CYP2C8: variants seen among roughly 807,000 people sequenced by gnomAD.
CYP2C8 encodes the protein cytochrome P450 family 2 subfamily C member 8, also known as cytochrome P450 2C8.
In CYP2C8, 51 loss-of-function variants were observed where a neutral mutation model predicts 41.3. That is an observed-to-expected ratio of 1.24 (90% CI 0.99 to 1.56). The LOEUF is 1.56. CYP2C8 is among the 40% of genes most tolerant of loss of function. The probability of loss-of-function intolerance (pLI) is 0.00; values close to 1 mark genes in which losing one functional copy is unlikely to be tolerated. For missense variants in CYP2C8, 651 were observed against 579.9 expected, an observed-to-expected ratio of 1.12 and a Z score of -1.26; for synonymous variants, 218 against 205.8, an observed-to-expected ratio of 1.06 and a Z score of -0.51.
chr10:95,069,134 T>C (rs2033627956), intron 1 of CYP2C8, 101 bp downstream of exon 1: 3 of 1,311,094 alleles, frequency 2.3e-6, no homozygotes, highest in Admixed American at 1.7e-5. Context: ...TTTACAATGA[T>C]CTATTATAAT....
chr10:95,049,517 A>C (rs2033175467), intron 5 of CYP2C8, among the ~76,000 whole-genome samples: 1 of 152,168 alleles, frequency 6.6e-6, no homozygotes, highest in Non-Finnish European at 1.5e-5. Context: ...AAACAGGCCC[A>C]AAATCAGCTG....
chr10:95,045,037 G>A (rs1184311678), intron 6 of CYP2C8, among the ~76,000 whole-genome samples: 1 of 152,082 alleles, frequency 6.6e-6, no homozygotes, highest in East Asian at 1.9e-4. Flanking sequence ...ATTTTAATTT[G>A]TAATTTAGTT....
In CYP2C8 at chr10:95,037,200, G is replaced by T. The variant is rs747936556; in HGVS notation, c.1401C>A (p.Leu467=). The T allele has an allele frequency of 6.8e-6, 11 of 1,613,938 alleles. No individual in the cohort carries two copies. In the Admixed American group the frequency reaches 1.8e-4, roughly 27 times the overall value. ...TCCCTTTGGTAACTGCAGTAGTATT[G>T]AGGTTCTTTAAATCATCAACAGATT... ...NLKSVDDLKN[L]NTTAVTKGIV... is the part of the protein sequence containing the mutation. Residue 467 remains leucine (L), a synonymous_variant, in exon 9 of 9, where the codon CTC becomes CTA. Transcript: ENST00000371270.
intron 8 of CYP2C8, among the ~76,000 whole-genome samples, 180 bp downstream of exon 8, chr10:95,038,717 A>G (rs7083576): frequency 0.029 from 4,386 of 152,272 alleles, 234 homozygotes; most frequent in African/African-American, 0.098. Context: ...AAGCCCCGCT[A>G]TCTGGCCCAA....
In CYP2C8 at chr10:95,037,047, A is replaced by G. The variant is rs2032895057; in HGVS notation, c.*81T>C. ...GGGAAGATTTGATGAGAGGTCAGAG[A>G]AGACATAATAGTGGGAATGTCCTTG... On this transcript the variant is annotated 3_prime_UTR_variant, in exon 9 of 9. Transcript: ENST00000371270. The G allele has an allele frequency of 1.5e-6, 2 of 1,294,082 alleles. No individual in the cohort carries two copies. The highest frequency in any genetic ancestry group is 2.2e-6 in the Non-Finnish European group (2 of 893,504). 80.2% of individuals were successfully genotyped at this position (1,294,082 alleles called of 1,614,324 possible).
At chr10:95,053,039 AC>A (rs58385086) in intron 5 of CYP2C8, among the ~76,000 whole-genome samples, 57,338 of 151,950 alleles carry the variant, frequency 0.38, 11,191 homozygotes, top group Middle Eastern at 0.51. Flanking sequence ...ATTTAAAAAA[AC>A]ATAAAGACTC....
chr10:95,037,149 C>G lies in CYP2C8; in HGVS notation c.1452G>C (p.Gln484His), dbSNP rs1051582714. ...KGIVSLPPSY[Q>H]ICFIPV is the part of the protein sequence containing the mutation. ...TTCTTCAGACAGGGATGAAGCAGAT[C>G]TGGTATGAGGGTGGCAGAGAAACAA... The change falls in exon 9 of 9, where the codon CAG becomes CAC. Residue 484 changes from glutamine to histidine, a missense_variant. Coordinates refer to ENST00000371270, the MANE Select transcript of CYP2C8 (RefSeq NM_000770.3). The G allele has an allele frequency of 1.2e-6, 2 of 1,613,914 alleles. No individual in the cohort carries two copies. The highest frequency in any genetic ancestry group is 1.3e-5 in the African/African-American group (1 of 75,036).
intron 6 of CYP2C8, among the ~76,000 whole-genome samples, chr10:95,043,551 T>A (rs1371750765): frequency 6.6e-6 from 1 of 152,202 alleles, no homozygotes; most frequent in Non-Finnish European, 1.5e-5. Flanking sequence ...TTGTGGCCAC[T>A]TTGAGCATGC....
chr10:95,037,074 T>TA lies in CYP2C8; in HGVS notation c.*53dup, dbSNP rs761474363. The TA allele has an allele frequency of 6.3e-4, 959 of 1,515,966 alleles. No homozygotes were observed. The highest frequency in any genetic ancestry group is 7.4e-4 in the Non-Finnish European group (811 of 1,091,814). 93.9% of individuals were successfully genotyped at this position (1,515,966 alleles called of 1,614,324 possible). A position where few individuals can be genotyped will look rare whatever the true frequency, so the allele number is the denominator to read the frequency against. ...GACATAATAGTGGGAATGTCCTTGA[T>TA]AAAAAAAGAGTTGCAGGTGATAGCA... On this transcript the variant is annotated 3_prime_UTR_variant, in exon 9 of 9. Transcript: ENST00000371270.
At chr10:95,061,303 T>C (rs1033340002) in intron 4 of CYP2C8, among the ~76,000 whole-genome samples, 1 of 152,184 alleles carries the variant, frequency 6.6e-6, no homozygotes, top group Admixed American at 6.5e-5. Flanking sequence ...CTGTTAATTA[T>C]TGCCTCAATT....
rs370806022 is a variant in CYP2C8 at position 95,045,923 on chromosome 10, T to C, written c.848A>G (p.Asn283Ser). 1.9e-6 allele frequency: 3 copies of C among 1,614,048 alleles called. No individual in the cohort carries two copies. The highest frequency in any genetic ancestry group is 2.5e-6 in the Non-Finnish European group (3 of 1,179,900). ...TACAGTGCCAACCAAGTTTTCAATA[T>C]TGAATTCTGACTTTTGGTTGTCCTT... ...QEKDNQKSEF[N>S]IENLVGTVAD... Residue 283 changes from asparagine (N) to serine (S), a missense_variant, in exon 6 of 9, where the codon AAT becomes AGT. Physicochemically the swap from Asn to Ser is conservative, Grantham distance 46. Transcript: ENST00000371270.
intron 3 of CYP2C8, 28 bp downstream of exon 3, chr10:95,067,180 G>T (rs1369205110): frequency 1.8e-5 from 29 of 1,613,800 alleles, no homozygotes; most frequent in Non-Finnish European, 2.4e-5. Flanking sequence ...AACTGTTAAG[G>T]TCAATGACGC....
At chr10:95,050,733 T>C (rs1308802398) in intron 5 of CYP2C8, among the ~76,000 whole-genome samples, 1 of 152,158 alleles carries the variant, frequency 6.6e-6, no homozygotes, top group East Asian at 1.9e-4. Context: ...CTAAAGCAGA[T>C]ACAGCTTAGA....
In CYP2C8 at chr10:95,037,082, G is replaced by C. The variant is rs1174866906; in HGVS notation, c.*46C>G. On this transcript the variant is annotated 3_prime_UTR_variant, in exon 9 of 9. Coordinates refer to ENST00000371270, the MANE Select transcript of CYP2C8 (RefSeq NM_000770.3). ...AGTGGGAATGTCCTTGATAAAAAAA[G>C]AGTTGCAGGTGATAGCAGATCGGCA... The C allele has an allele frequency of 1.9e-6, 3 of 1,546,202 alleles. No individual in the cohort carries two copies. The African/African-American group carries it at 4.1e-5, about 21-fold the overall frequency.
At chr10:95,063,869 CA>C (rs2033495880) in intron 4 of CYP2C8, among the ~76,000 whole-genome samples, 1 of 152,224 alleles carries the variant, frequency 6.6e-6, no homozygotes, top group African/African-American at 2.4e-5. Flanking sequence ...TCAGGATCCT[CA>C]GCCGCGAGTC....
At chr10:95,058,577 G>C (rs1281719745) in intron 4 of CYP2C8, 66 bp from the exon 5 acceptor site, 2 of 1,378,734 alleles carry the variant, frequency 1.5e-6, no homozygotes, top group South Asian at 1.3e-5. Context: ...ACCAAGCCCT[G>C]ATTGAAATTA....
At chr10:95,041,510 G>A (rs1297166148) in intron 7 of CYP2C8, among the ~76,000 whole-genome samples, 1 of 152,116 alleles carries the variant, frequency 6.6e-6, no homozygotes, top group Admixed American at 6.5e-5. Context: ...GGCCGGGCGC[G>A]GTGGCTCACG....
intron 7 of CYP2C8, among the ~76,000 whole-genome samples, chr10:95,039,845 A>G (rs572899646): frequency 6.6e-6 from 1 of 152,328 alleles, no homozygotes; most frequent in South Asian, 2.1e-4. Flanking sequence ...CCACCTCATC[A>G]ATGTGATTCA....
intron 7 of CYP2C8, among the ~76,000 whole-genome samples, chr10:95,042,406 A>T (rs2033020875): frequency 7.0e-6 from 1 of 143,286 alleles, no homozygotes; most frequent in Non-Finnish European, 1.5e-5. Flanking sequence ...AAAGAAATAA[A>T]AAAAAATTAA....
Sources: allele counts gnomAD v4.1 joint callset (sites outside exome capture counted in the v4.1 genomes callset), GRCh38; gene constraint gnomAD v4.1.1; transcripts MANE v1.5; gene names NCBI Gene and HGNC (gene_info 2026-07-23, HGNC 2026-07-21).